Variants in CNTNAP2 observed in about 807,000 individuals in gnomAD.
The protein encoded by CNTNAP2 is contactin-associated protein-like 2.
Under a neutral mutation model 155.2 loss-of-function variants are expected in CNTNAP2, and 98 were observed. The observed-to-expected ratio is 0.63, with a 90% CI of 0.54 to 0.75. The LOEUF (loss-of-function observed/expected upper bound fraction) is 0.75. Ranked by LOEUF, CNTNAP2 falls within the 30% of genes least tolerant of loss-of-function variation. The pLI, the probability that CNTNAP2 is intolerant of heterozygous loss-of-function variation, is 0.00. For missense variants in CNTNAP2, 1,727 were observed against 1,688.1 expected, an observed-to-expected ratio of 1.02 and a Z score of -0.40; for synonymous variants, 651 against 631.2, an observed-to-expected ratio of 1.03 and a Z score of -0.47.
chr7:147,194,936 T>C (rs566448074), intron 8 of CNTNAP2, among the ~76,000 whole-genome samples: 1 of 152,354 alleles, frequency 6.6e-6, no homozygotes, highest in Non-Finnish European at 1.5e-5. Flanking sequence ...CAGATCCCAT[T>C]TGTCAATTTT....
At chr7:148,156,299 G>C (rs967896316) in intron 17 of CNTNAP2, among the ~76,000 whole-genome samples, 9 of 152,172 alleles carry the variant, frequency 5.9e-5, no homozygotes, top group African/African-American at 2.2e-4. Flanking sequence ...GTCAAAGTCA[G>C]CATGGATCTC....
chr7:148,065,484 T>C (rs562086355), intron 15 of CNTNAP2, among the ~76,000 whole-genome samples: 1 of 152,344 alleles, frequency 6.6e-6, no homozygotes, highest in East Asian at 1.9e-4. Context: ...TAGGTGCATA[T>C]ATATTTAATA....
chr7:146,784,976 T>A (rs1802550338), intron 2 of CNTNAP2, among the ~76,000 whole-genome samples: 2 of 140,978 alleles, frequency 1.4e-5, no homozygotes, highest in Non-Finnish European at 3.2e-5. Flanking sequence ...CCCTTTGCTT[T>A]TTTTTTTTTT....
intron 15 of CNTNAP2, among the ~76,000 whole-genome samples, chr7:148,030,691 G>T: frequency 6.9e-6 from 1 of 144,754 alleles, no homozygotes; most frequent in African/African-American, 2.6e-5. Flanking sequence ...TTTTTTGGCA[G>T]GTGGTAAAGT....
chr7:147,773,473 T>TAAAACA (rs914439139), intron 13 of CNTNAP2, among the ~76,000 whole-genome samples: 4 of 151,984 alleles, frequency 2.6e-5, no homozygotes, highest in African/African-American at 9.7e-5. Flanking sequence ...CTGTCTCTAG[T>TAAAACA]AAAACAAAAA....
intron 13 of CNTNAP2, among the ~76,000 whole-genome samples, chr7:147,664,041 G>A (rs1019575880): frequency 2.6e-5 from 4 of 152,176 alleles, no homozygotes; most frequent in African/African-American, 7.2e-5. Context: ...CATTAACAGA[G>A]TACTAAATTA....
At chr7:148,070,402 T>G (rs1180146677) in intron 15 of CNTNAP2, among the ~76,000 whole-genome samples, 2 of 152,270 alleles carry the variant, frequency 1.3e-5, no homozygotes, top group Non-Finnish European at 2.9e-5. Flanking sequence ...GATTATATTT[T>G]TAAATGTTTT....
intron 22 of CNTNAP2, among the ~76,000 whole-genome samples, chr7:148,405,240 T>G (rs1243514634): frequency 1.3e-5 from 2 of 152,126 alleles, no homozygotes; most frequent in African/African-American, 4.8e-5. Context: ...CAAGGGAGTC[T>G]TTCTTCCCTA....
intron 9 of CNTNAP2, among the ~76,000 whole-genome samples, chr7:147,384,598 T>C (rs1229595573): frequency 6.6e-6 from 1 of 152,202 alleles, no homozygotes; most frequent in African/African-American, 2.4e-5. Context: ...AAATGTTCTT[T>C]AGTGGCCTGA....
chr7:147,757,732 G>GTCTTAATAATTATA (rs1168325830), intron 13 of CNTNAP2, among the ~76,000 whole-genome samples: 5 of 151,978 alleles, frequency 3.3e-5, no homozygotes, highest in Admixed American at 6.6e-5. Context: ...AAAAATCTTA[G>GTCTTAATAATTATA]CCTGGATCTT....
At chr7:146,322,607 A>T (rs1007594299) in intron 1 of CNTNAP2, among the ~76,000 whole-genome samples, 3 of 142,592 alleles carry the variant, frequency 2.1e-5, no homozygotes, top group African/African-American at 7.8e-5. Flanking sequence ...TCTCCTGTGA[A>T]TAAGAGGAGA....
intron 12 of CNTNAP2, among the ~76,000 whole-genome samples, chr7:147,632,167 G>A (rs1025931161): frequency 3.3e-5 from 5 of 152,102 alleles, no homozygotes; most frequent in African/African-American, 1.2e-4. Context: ...TGGGAAAAGA[G>A]CATGAGTAGA....
intron 21 of CNTNAP2, among the ~76,000 whole-genome samples, chr7:148,314,265 G>A (rs1797646478): frequency 6.6e-6 from 1 of 152,014 alleles, no homozygotes; most frequent in Admixed American, 6.5e-5. Flanking sequence ...GACTAGGGAG[G>A]GACCGATGTG....
intron 15 of CNTNAP2, among the ~76,000 whole-genome samples, chr7:148,040,299 T>C (rs1171755166): frequency 6.6e-6 from 1 of 152,212 alleles, no homozygotes; most frequent in East Asian, 1.9e-4. Flanking sequence ...TAATGTATGC[T>C]CAAGATAAGC....
At chr7:148,192,363 G>A (rs1795212084) in intron 18 of CNTNAP2, among the ~76,000 whole-genome samples, 1 of 152,086 alleles carries the variant, frequency 6.6e-6, no homozygotes, top group Non-Finnish European at 1.5e-5. Context: ...GGTCTGACTT[G>A]TTTAACTTAA....
chr7:146,253,238 C>T (rs1018864835), intron 1 of CNTNAP2, among the ~76,000 whole-genome samples: 1 of 152,170 alleles, frequency 6.6e-6, no homozygotes, highest in African/African-American at 2.4e-5. Context: ...AGTCTGTATC[C>T]ATGAATTTCT....
chr7:146,408,851 TA>T lies in CNTNAP2; in HGVS notation c.97+291888del, dbSNP rs146096830. Among the ~76,000 whole-genome samples the T allele has an allele frequency of 2.6e-4, 39 of 148,256 alleles. 1 individual carries two copies. Among genetic ancestry groups the T allele is most frequent in the Non-Finnish European group, 2.7e-4 (18 of 66,732 alleles). On this transcript the variant is annotated intron_variant, in intron 1 of 23. Transcript: ENST00000361727. The stretch of plus-strand genomic sequence containing the variant: ...GATATTTGAAATAATACACAGATAT[TA>T]AAAAAAAAAGAATCAAGAAAAGAGA...
At chr7:146,364,539 A>G (rs1366693284) in intron 1 of CNTNAP2, among the ~76,000 whole-genome samples, 1 of 152,220 alleles carries the variant, frequency 6.6e-6, no homozygotes, top group East Asian at 1.9e-4. Context: ...TGTAGTGGTA[A>G]TTAAGGGAGG....
chr7:146,171,792 A>T (rs1400463547), intron 1 of CNTNAP2, among the ~76,000 whole-genome samples: 1 of 152,128 alleles, frequency 6.6e-6, no homozygotes, highest in Non-Finnish European at 1.5e-5. Flanking sequence ...AATGAACATC[A>T]TATATTTTTG....
Sources: gnomAD v4.1 joint callset for allele counts (sites outside exome capture counted in the v4.1 genomes callset) on GRCh38, gnomAD v4.1.1 for gene constraint, MANE v1.5 for transcripts, NCBI Gene and HGNC (gene_info 2026-07-23, HGNC 2026-07-21) for gene names.